GALNT17: variants seen among roughly 807,000 people sequenced by gnomAD.
The protein encoded by GALNT17 is UDP-GalNAc:polypeptide N-acetylgalactosaminyltransferase-like 3.
Under a neutral mutation model 63.7 loss-of-function variants are expected in GALNT17, and 29 were observed. That is an observed-to-expected ratio of 0.46 (90% CI 0.34 to 0.62). GALNT17 has a LOEUF of 0.62. Ranked by LOEUF, GALNT17 falls within the 20% of genes least tolerant of loss-of-function variation. The pLI is 0.01. For missense variants in GALNT17, 603 were observed against 799.6 expected, an observed-to-expected ratio of 0.75 and a Z score of 2.97; for synonymous variants, 305 against 318.3, an observed-to-expected ratio of 0.96 and a Z score of 0.45.
intron 6 of GALNT17, among the ~76,000 whole-genome samples, chr7:71,581,480 C>A: frequency 6.6e-6 from 1 of 152,178 alleles, no homozygotes; most frequent in Non-Finnish European, 1.5e-5. Flanking sequence ...CATCAGATCT[C>A]GTGAGAACTC....
chr7:71,437,957 C>T (rs950027308), intron 5 of GALNT17, among the ~76,000 whole-genome samples: 6 of 152,120 alleles, frequency 3.9e-5, no homozygotes, highest in African/African-American at 4.8e-5. Flanking sequence ...AAGCATTCCT[C>T]GTGCCTTGGC....
chr7:71,511,410 T>G (rs1788353694), intron 5 of GALNT17, among the ~76,000 whole-genome samples: 1 of 152,082 alleles, frequency 6.6e-6, no homozygotes, highest in East Asian at 1.9e-4. Context: ...CCTAGGCAAT[T>G]TTATTGCAAC....
intron 1 of GALNT17, chr7:71,300,348 C>A: frequency 7.2e-6 from 3 of 419,380 alleles, no homozygotes; most frequent in Admixed American, 2.8e-5. Context: ...ATTTCAAAAC[C>A]AAGACGACAC....
intron 7 of GALNT17, among the ~76,000 whole-genome samples, chr7:71,667,770 T>C (rs907968662): frequency 2.6e-5 from 4 of 151,294 alleles, no homozygotes; most frequent in African/African-American, 9.7e-5. Context: ...AATAGTGAAA[T>C]AGGTATTATT....
intron 1 of GALNT17, among the ~76,000 whole-genome samples, chr7:71,198,594 A>G (rs1357079345): frequency 6.6e-6 from 1 of 152,358 alleles, no homozygotes; most frequent in Admixed American, 6.5e-5. Flanking sequence ...CGCTAGTTGG[A>G]CTGACACCAA....
intron 6 of GALNT17, among the ~76,000 whole-genome samples, chr7:71,613,812 T>A (rs1790159928): frequency 1.4e-5 from 2 of 145,840 alleles, no homozygotes; most frequent in African/African-American, 2.5e-5. Context: ...TTTTTTTTTT[T>A]AGTTAGCTGG....
At chr7:71,542,431 TGG>T (rs1464501251) in intron 5 of GALNT17, among the ~76,000 whole-genome samples, 1 of 152,080 alleles carries the variant, frequency 6.6e-6, no homozygotes, top group African/African-American at 2.4e-5. Context: ...TGATAATCGC[TGG>T]GCACAGTAAC....
At chr7:71,186,876 A>G (rs1343888845) in intron 1 of GALNT17, among the ~76,000 whole-genome samples, 3 of 152,180 alleles carry the variant, frequency 2.0e-5, no homozygotes, top group Admixed American at 6.6e-5. Context: ...GTAGCCTGGC[A>G]ACTCCTTCTC....
intron 5 of GALNT17, among the ~76,000 whole-genome samples, chr7:71,511,701 A>G (rs1788359193): frequency 6.6e-6 from 1 of 152,174 alleles, no homozygotes; most frequent in Non-Finnish European, 1.5e-5. Flanking sequence ...AACCATCATC[A>G]TTAATAAATA....
intron 1 of GALNT17, among the ~76,000 whole-genome samples, chr7:71,270,074 G>A (rs1162353079): frequency 2.0e-5 from 3 of 152,042 alleles, no homozygotes; most frequent in Non-Finnish European, 4.4e-5. Context: ...TAATAAATGT[G>A]CTTTAAACTC....
intron 6 of GALNT17, among the ~76,000 whole-genome samples, chr7:71,588,254 A>G (rs2116911852): frequency 6.6e-6 from 1 of 152,318 alleles, no homozygotes. Context: ...CTTTTCACTG[A>G]AAGTCTTGGT....
intron 3 of GALNT17, among the ~76,000 whole-genome samples, chr7:71,409,636 A>G (rs978628649): frequency 3.3e-5 from 5 of 152,190 alleles, no homozygotes; most frequent in African/African-American, 9.7e-5. Context: ...ACACATAAAA[A>G]TCCCAAGCAC....
At chr7:71,495,206 G>A (rs1167465400) in intron 5 of GALNT17, among the ~76,000 whole-genome samples, 2 of 152,198 alleles carry the variant, frequency 1.3e-5, no homozygotes, top group East Asian at 3.9e-4. Flanking sequence ...AACCCAGGAG[G>A]CAGAGGCTGC....
At chr7:71,175,193 T>C (rs1434937236) in intron 1 of GALNT17, among the ~76,000 whole-genome samples, 1 of 151,976 alleles carries the variant, frequency 6.6e-6, no homozygotes, top group Non-Finnish European at 1.5e-5. Context: ...TCCATCCGTC[T>C]ATCTATCCCT....
chr7:71,322,641 C>G (rs1444126317), intron 1 of GALNT17, among the ~76,000 whole-genome samples: 4 of 152,216 alleles, frequency 2.6e-5, no homozygotes, highest in Non-Finnish European at 5.9e-5. Flanking sequence ...TATTTTGAAG[C>G]CCCAAGCCTC....
At chr7:71,237,229 C>G (rs1013546371) in intron 1 of GALNT17, among the ~76,000 whole-genome samples, 2 of 152,150 alleles carry the variant, frequency 1.3e-5, no homozygotes, top group African/African-American at 4.8e-5. Flanking sequence ...ATTCCCCCGG[C>G]AAGTTCGGGG....
intron 6 of GALNT17, among the ~76,000 whole-genome samples, chr7:71,636,886 A>G (rs1450053893): frequency 6.6e-6 from 1 of 152,180 alleles, no homozygotes; most frequent in Non-Finnish European, 1.5e-5. Context: ...GTGATGGAGA[A>G]CAGACTGTAA....
At chr7:71,152,934 G>A (rs1032458878) in intron 1 of GALNT17, among the ~76,000 whole-genome samples, 8 of 152,024 alleles carry the variant, frequency 5.3e-5, no homozygotes, top group African/African-American at 1.4e-4. Context: ...CCCAGTTCAC[G>A]TTTTCATTAG....
At chr7:71,378,842 A>G (rs1792791981) in intron 2 of GALNT17, among the ~76,000 whole-genome samples, 1 of 151,884 alleles carries the variant, frequency 6.6e-6, no homozygotes, top group Non-Finnish European at 1.5e-5. Flanking sequence ...AAATAAATAA[A>G]TAAAAATAAA....
Sources: gnomAD v4.1 joint callset for allele counts (sites outside exome capture counted in the v4.1 genomes callset) on GRCh38, gnomAD v4.1.1 for gene constraint, MANE v1.5 for transcripts, NCBI Gene and HGNC (gene_info 2026-07-23, HGNC 2026-07-21) for gene names.